ALK: variants seen among roughly 807,000 people sequenced by gnomAD.
ALK encodes the protein ALK receptor tyrosine kinase, also known as ALK tyrosine kinase receptor.
ALK carries 74 observed loss-of-function variants against 163.1 expected under a neutral mutation model. The ratio of observed to expected loss-of-function variants is 0.45; its 90% CI spans 0.38 to 0.55. The LOEUF (loss-of-function observed/expected upper bound fraction) is 0.55. Among genes scored for constraint, ALK ranks in the 20% least tolerant of loss-of-function variants. The pLI is 0.00. For synonymous variants in ALK, 960 were observed against 843.2 expected, an observed-to-expected ratio of 1.14 and a Z score of -2.40; for missense variants, 2,063 against 2,105.3, an observed-to-expected ratio of 0.98 and a Z score of 0.39.
chr2:29,701,940 T>G (rs568190669), intron 2 of ALK, among the ~76,000 whole-genome samples: 1 of 152,084 alleles, frequency 6.6e-6, no homozygotes, highest in African/African-American at 2.4e-5. Context: ...AGGTCACAAA[T>G]GGGATTGCCA....
rs1305854097 is a variant in ALK, at chr2:29,831,296, G to T, written c.667+88697C>A. Among the ~76,000 whole-genome samples the T allele has an allele frequency of 2.1e-5, 3 of 142,336 alleles. 1 individual carries two copies. The highest frequency in any genetic ancestry group is 7.7e-5 in the African/African-American group (3 of 38,934). 93.4% of individuals were successfully genotyped at this position (142,336 alleles called of 152,430 possible). ...AGAAGAAGAAGAAGAAGAAGAAGAAGAAGAAGAAGAAGAAGAAGAAGAAGA... is the reference window on the plus strand; with the variant it reads ...AGAAGAAGAAGAAGAAGAAGAAGAATAAGAAGAAGAAGAAGAAGAAGAAGA... On this transcript the variant is annotated intron_variant, in intron 1 of 28. Coordinates refer to ENST00000389048, the MANE Select transcript of ALK (RefSeq NM_004304.5).
At position 29,228,917 on chromosome 2, in the gene ALK, A is replaced by G. The variant is rs1664096277; in HGVS notation, c.2782T>C (p.Cys928Arg). 7 of 1,374,974 alleles carry G rather than the reference A, an allele frequency of 5.1e-6. No individual in the cohort carries two copies. Among genetic ancestry groups the G allele is most frequent in the Non-Finnish European group, 6.1e-6 (6 of 975,716 alleles). The allele number at this position is 1,374,974 out of a possible 1,614,324, so 85.2% of individuals were successfully genotyped here. Residue 928 changes from cysteine to arginine, a missense_variant, in exon 16 of 29, where the codon TGC becomes CGC. This residue lies in a region of ALK where 575 missense variants were observed against 626.6 expected (regional missense o/e 0.92). Transcript: ENST00000389048. ...CCTCCGCCTCCTCCACCTGAGGAGCACCCCCCTCCACCCCCTCCGAAACCC... is the reference window on the plus strand; with the variant it reads ...CCTCCGCCTCCTCCACCTGAGGAGCGCCCCCCTCCACCCCCTCCGAAACCC... ...RGGFGGGGGGCSSGGGGGGYI... is the reference protein window; with the variant it reads ...RGGFGGGGGGRSSGGGGGGYI...
At chr2:29,912,361 A>G (rs1667727980) in intron 1 of ALK, among the ~76,000 whole-genome samples, 1 of 152,192 alleles carries the variant, frequency 6.6e-6, no homozygotes. Context: ...TACAAAAAGG[A>G]ACAACAATGT....
chr2:29,445,471 A>T (rs569593159), intron 4 of ALK, among the ~76,000 whole-genome samples: 1 of 152,226 alleles, frequency 6.6e-6, no homozygotes, highest in Non-Finnish European at 1.5e-5. Flanking sequence ...GTTCCCTCAC[A>T]TCGCTTCCCA....
chr2:29,697,049 T>G (rs769774080), intron 2 of ALK, among the ~76,000 whole-genome samples: 29 of 151,994 alleles, frequency 1.9e-4, no homozygotes, highest in South Asian at 6.2e-4. Context: ...TCTGCGCTTG[T>G]ATCCCAGAAC....
At chr2:29,467,798 T>C (rs1671248199) in intron 4 of ALK, among the ~76,000 whole-genome samples, 1 of 152,244 alleles carries the variant, frequency 6.6e-6, no homozygotes, top group Admixed American at 6.5e-5. Flanking sequence ...AGTTAGACAT[T>C]AGAGAGATTT....
At chr2:29,448,607 C>T (rs773602745) in intron 4 of ALK, among the ~76,000 whole-genome samples, 5 of 152,156 alleles carry the variant, frequency 3.3e-5, no homozygotes, top group Non-Finnish European at 5.9e-5. Flanking sequence ...ATGCAACATA[C>T]GAGTCAGCCC....
At chr2:29,272,924 C>T (rs1426245291) in intron 11 of ALK, among the ~76,000 whole-genome samples, 2 of 152,208 alleles carry the variant, frequency 1.3e-5, no homozygotes, top group South Asian at 2.1e-4. Context: ...CCCTTAAATT[C>T]TTCCATACCA....
intron 1 of ALK, among the ~76,000 whole-genome samples, chr2:29,823,242 C>A (rs916916351): frequency 1.3e-5 from 2 of 152,168 alleles, no homozygotes; most frequent in Non-Finnish European, 2.9e-5. Flanking sequence ...CCACGTGGAA[C>A]TGTAAGTCCA....
At chr2:29,323,906 A>ATCC (rs1667156779) in intron 6 of ALK, among the ~76,000 whole-genome samples, 1 of 152,208 alleles carries the variant, frequency 6.6e-6, no homozygotes, top group South Asian at 2.1e-4. Context: ...AGTGGGCTCA[A>ATCC]TCCTCTAACT....
intron 4 of ALK, among the ~76,000 whole-genome samples, chr2:29,473,105 T>A (rs919968798): frequency 1.3e-5 from 2 of 152,204 alleles, no homozygotes; most frequent in African/African-American, 4.8e-5. Context: ...GTACCAGATA[T>A]CAAGACATAT....
At chr2:29,624,742 A>G (rs993518170) in intron 3 of ALK, among the ~76,000 whole-genome samples, 3 of 152,214 alleles carry the variant, frequency 2.0e-5, no homozygotes, top group Non-Finnish European at 2.9e-5. Flanking sequence ...GCTCCCCTGA[A>G]CTTAAAATAA....
chr2:29,751,227 G>A (rs1680357419), intron 1 of ALK, among the ~76,000 whole-genome samples: 1 of 142,574 alleles, frequency 7.0e-6, no homozygotes, highest in Admixed American at 7.0e-5. Flanking sequence ...AGTGGTGAGT[G>A]AGGGTGGCCT....
At chr2:29,516,782 C>T (rs1573420653) in intron 4 of ALK, among the ~76,000 whole-genome samples, 2 of 152,172 alleles carry the variant, frequency 1.3e-5, no homozygotes, top group East Asian at 3.8e-4. Flanking sequence ...GCATTTAGAA[C>T]AATGTCCAGC....
At chr2:29,746,610 G>T (rs1680213503) in intron 1 of ALK, among the ~76,000 whole-genome samples, 1 of 152,226 alleles carries the variant, frequency 6.6e-6, no homozygotes. Context: ...ATTTCCCTTA[G>T]TTGTGGGTTG....
At chr2:29,374,633 T>C (rs575064379) in intron 5 of ALK, among the ~76,000 whole-genome samples, 1 of 152,154 alleles carries the variant, frequency 6.6e-6, no homozygotes, top group Non-Finnish European at 1.5e-5. Context: ...ATTTGAAAGA[T>C]GTGCAGGTCT....
chr2:29,227,502 G>A lies in ALK; in HGVS notation c.2914+72C>T. The A allele has an allele frequency of 1.5e-6, 2 of 1,293,660 alleles. No individual in the cohort carries two copies. The highest frequency in any genetic ancestry group is 1.7e-5 in the Admixed American group (1 of 59,610). The allele number at this position is 1,293,660 out of a possible 1,614,324, so 80.1% of individuals were successfully genotyped here. A position where few individuals can be genotyped will look rare whatever the true frequency, so the allele number is the denominator to read the frequency against. On this transcript the variant is annotated intron_variant, in intron 17 of 28. Transcript: ENST00000389048. The surrounding 1 kb of genome is among the most constrained non-coding windows in gnomAD (Gnocchi z 4.4). ...CTCTGTATCCTGGATACAGGTCAGAGACTCTGAGGTTTTAGCTTGGTGGGA... is the reference window on the plus strand; with the variant it reads ...CTCTGTATCCTGGATACAGGTCAGAAACTCTGAGGTTTTAGCTTGGTGGGA...
rs140835416 is a variant in ALK, at chr2:29,668,728, G to A, written c.952+26122C>T. Among the ~76,000 whole-genome samples the A allele has an allele frequency of 7.3e-4, 111 of 152,162 alleles. 1 individual carries two copies. Among genetic ancestry groups the A allele is most frequent in the African/African-American group, 2.6e-3 (108 of 41,538 alleles). On this transcript the variant is annotated intron_variant, in intron 3 of 28. Coordinates refer to ENST00000389048, the MANE Select transcript of ALK (RefSeq NM_004304.5). ...GTTTATTCTGCACATGTATTAGTCT[G>A]TTCTCATGGTGCTAATAAAGACATA...
chr2:29,274,649 A>G (rs1665480346), intron 11 of ALK, among the ~76,000 whole-genome samples: 1 of 152,192 alleles, frequency 6.6e-6, no homozygotes, highest in South Asian at 2.1e-4. Context: ...CTCTGGGGGA[A>G]CTGTGTTGAA....
Sources: allele counts gnomAD v4.1 joint callset (sites outside exome capture counted in the v4.1 genomes callset), GRCh38; gene constraint gnomAD v4.1.1; regional missense constraint gnomAD v4.1.1; non-coding constraint Gnocchi (gnomAD v3.1); transcripts MANE v1.5; gene names NCBI Gene and HGNC (gene_info 2026-07-23, HGNC 2026-07-21).